Variants in ENTREP2 observed in about 807,000 individuals in gnomAD.
ENTREP2 encodes the protein endosomal transmembrane epsin interactor 2.
the ENTREP2 span, among the ~76,000 whole-genome samples, chr15:29,306,106 G>A: frequency 6.6e-6 from 1 of 152,244 alleles, no homozygotes; most frequent in South Asian, 2.1e-4. Context: ...CCCAGGCAGC[G>A]CTGCGATACC....
At chr15:29,212,071 ATCTGGTAGAAT>A in the ENTREP2 span, among the ~76,000 whole-genome samples, 821 of 152,180 alleles carry the variant, frequency 5.4e-3, 3 homozygotes, top group African/African-American at 0.019. Flanking sequence ...CTTTTTGAAT[ATCTGGTAGAAT>A]TCTGCTGTGA....
chr15:29,361,732 T>A, the ENTREP2 span, among the ~76,000 whole-genome samples: 1 of 152,174 alleles, frequency 6.6e-6, no homozygotes, highest in African/African-American at 2.4e-5. Flanking sequence ...GTGTCCTTTA[T>A]GTATCCAGGA....
chr15:29,461,445 C>T, the ENTREP2 span, among the ~76,000 whole-genome samples: 3 of 152,078 alleles, frequency 2.0e-5, no homozygotes, highest in Non-Finnish European at 4.4e-5. Flanking sequence ...TGATAAAATA[C>T]ACAGAAAATA....
the ENTREP2 span, chr15:29,123,452 C>T: frequency 6.4e-7 from 1 of 1,551,650 alleles, no homozygotes; most frequent in Admixed American, 2.0e-5. Flanking sequence ...GTGGGGAGGG[C>T]ACAGTGTGAG....
At chr15:29,457,265 G>C in the ENTREP2 span, among the ~76,000 whole-genome samples, 1 of 152,224 alleles carries the variant, frequency 6.6e-6, no homozygotes, top group East Asian at 1.9e-4. Flanking sequence ...CCATCACTTG[G>C]TGCAGAGCAG....
chr15:29,663,713 TGGGGGA>T, the ENTREP2 span, among the ~76,000 whole-genome samples: 1 of 151,002 alleles, frequency 6.6e-6, no homozygotes, highest in Non-Finnish European at 1.5e-5. Context: ...CGGCCTGTTG[TGGGGGA>T]GGGGGAGGGG....
the ENTREP2 span, among the ~76,000 whole-genome samples, chr15:29,302,893 T>A: frequency 6.6e-6 from 1 of 152,196 alleles, no homozygotes; most frequent in Non-Finnish European, 1.5e-5. Flanking sequence ...AAGACTGGCA[T>A]CACATTTGGA....
At chr15:29,185,452 C>A in the ENTREP2 span, among the ~76,000 whole-genome samples, 2 of 152,226 alleles carry the variant, frequency 1.3e-5, no homozygotes, top group Non-Finnish European at 2.9e-5. Flanking sequence ...ACGAAGGGCA[C>A]CCATTTGAAG....
the ENTREP2 span, among the ~76,000 whole-genome samples, chr15:29,624,298 TTCTG>T: frequency 2.3e-3 from 348 of 152,240 alleles, 2 homozygotes; most frequent in Middle Eastern, 6.8e-3. Context: ...ATCTCTTTCC[TTCTG>T]TCTCCCAATA....
chr15:29,451,153 C>CA, the ENTREP2 span, among the ~76,000 whole-genome samples: 1 of 152,166 alleles, frequency 6.6e-6, no homozygotes, highest in African/African-American at 2.4e-5. Context: ...AGTAACTGTC[C>CA]ACTCCCTGCA....
chr15:29,286,569 C>T, the ENTREP2 span, among the ~76,000 whole-genome samples: 2 of 152,244 alleles, frequency 1.3e-5, no homozygotes, highest in East Asian at 3.9e-4. Context: ...TGGAATGCGG[C>T]GGTAGTGACA....
chr15:29,629,491 G>C, the ENTREP2 span, among the ~76,000 whole-genome samples: 1 of 151,996 alleles, frequency 6.6e-6, no homozygotes, highest in Non-Finnish European at 1.5e-5. Flanking sequence ...GTTTGCTCTA[G>C]GTATACCAAA....
the ENTREP2 span, among the ~76,000 whole-genome samples, chr15:29,175,849 A>G: frequency 6.6e-6 from 1 of 152,072 alleles, no homozygotes; most frequent in South Asian, 2.1e-4. Context: ...CTCGTGATCC[A>G]CCCGCCTTGG....
At chr15:29,292,579 C>A in the ENTREP2 span, among the ~76,000 whole-genome samples, 3 of 152,126 alleles carry the variant, frequency 2.0e-5, no homozygotes, top group Non-Finnish European at 4.4e-5. Context: ...TGGGGTTTCA[C>A]CATGTTGTCC....
chr15:29,577,841 A>G, the ENTREP2 span, among the ~76,000 whole-genome samples: 1 of 152,204 alleles, frequency 6.6e-6, no homozygotes, highest in African/African-American at 2.4e-5. Flanking sequence ...AAAAGGATAA[A>G]TATTGTTCAG....
chr15:29,673,038 G>A, the ENTREP2 span, among the ~76,000 whole-genome samples: 3 of 152,262 alleles, frequency 2.0e-5, no homozygotes, highest in East Asian at 3.9e-4. Context: ...TCCAGGAACT[G>A]AAGGTTACTC....
the ENTREP2 span, among the ~76,000 whole-genome samples, chr15:29,259,241 G>A: frequency 6.6e-6 from 1 of 152,202 alleles, no homozygotes; most frequent in African/African-American, 2.4e-5. Flanking sequence ...CTCTCAAAAA[G>A]CAGTTATCAG....
the ENTREP2 span, among the ~76,000 whole-genome samples, chr15:29,188,269 A>G: frequency 3.9e-5 from 6 of 151,902 alleles, no homozygotes; most frequent in Non-Finnish European, 7.4e-5. Context: ...TTATACTTTA[A>G]GTTTTGGGAT....
chr15:29,322,222 G>A, the ENTREP2 span, among the ~76,000 whole-genome samples: 1 of 151,790 alleles, frequency 6.6e-6, no homozygotes, highest in Admixed American at 6.6e-5. Flanking sequence ...ATTGTTGAGG[G>A]GTTAAACTGA....
Sources: gnomAD v4.1 joint callset for allele counts (sites outside exome capture counted in the v4.1 genomes callset) on GRCh38, gnomAD v4.1.1 for gene constraint, MANE v1.5 for transcripts, NCBI Gene and HGNC (gene_info 2026-07-23, HGNC 2026-07-21) for gene names.